Variants in VTA1 observed in about 807,000 individuals in gnomAD.
VTA1 encodes the protein vacuolar protein sorting-associated protein VTA1 homolog.
A neutral mutation model predicts 36.9 loss-of-function variants in VTA1; 24 were observed. The ratio of observed to expected loss-of-function variants is 0.65; its 90% CI spans 0.47 to 0.91. The LOEUF (loss-of-function observed/expected upper bound fraction) is 0.91, where lower values mean the gene tolerates loss of function less well. Ranked by LOEUF, VTA1 falls within the 40% of genes least tolerant of loss-of-function variation. The pLI, the probability that VTA1 is intolerant of heterozygous loss-of-function variation, is 0.00. For missense variants in VTA1, 393 were observed against 377.2 expected (o/e 1.04, Z -0.35); for synonymous variants, 142 against 130.2 (o/e 1.09, Z -0.62).
chr6:142,211,367 T>C (rs1775899138), intron 7 of VTA1, among the ~76,000 whole-genome samples: 2 of 152,040 alleles, frequency 1.3e-5, no homozygotes, highest in South Asian at 4.1e-4. Context: ...CCAGATGACT[T>C]TGGGTTGAGC....
intron 6 of VTA1, among the ~76,000 whole-genome samples, chr6:142,203,766 G>A (rs1775733900): frequency 6.6e-6 from 1 of 152,166 alleles, no homozygotes; most frequent in Non-Finnish European, 1.5e-5. Context: ...GTAATGCGAA[G>A]CATTAGACAA....
intron 6 of VTA1, 75 bp downstream of exon 6, chr6:142,198,690 G>T: frequency 7.4e-7 from 1 of 1,351,100 alleles, no homozygotes; most frequent in South Asian, 1.7e-5. Flanking sequence ...TCACATATGT[G>T]CCTCATAATG....
intron 2 of VTA1, among the ~76,000 whole-genome samples, chr6:142,167,803 A>C (rs1273791737): frequency 6.6e-6 from 1 of 152,218 alleles, no homozygotes; most frequent in Admixed American, 6.5e-5. Context: ...ATACAAGATA[A>C]ATTTGAGTAC....
At chr6:142,150,791 A>T (rs1316700025) in intron 1 of VTA1, among the ~76,000 whole-genome samples, 1 of 152,170 alleles carries the variant, frequency 6.6e-6, no homozygotes, top group Non-Finnish European at 1.5e-5. Context: ...GCATGCCTGT[A>T]ATCCTAGCTA....
chr6:142,205,502 A>G (rs1775772984), intron 7 of VTA1, among the ~76,000 whole-genome samples: 2 of 152,220 alleles, frequency 1.3e-5, no homozygotes, highest in Non-Finnish European at 2.9e-5. Flanking sequence ...TTTGCCTAGC[A>G]CATACCTTTT....
At chr6:142,209,449 G>T (rs1278044425) in intron 7 of VTA1, among the ~76,000 whole-genome samples, 1 of 149,480 alleles carries the variant, frequency 6.7e-6, no homozygotes, top group Non-Finnish European at 1.5e-5. Flanking sequence ...TACAAAAAAT[G>T]TAATACAAAA....
chr6:142,147,884 G>A (rs1184945717), intron 1 of VTA1, among the ~76,000 whole-genome samples: 1 of 152,210 alleles, frequency 6.6e-6, no homozygotes, highest in East Asian at 1.9e-4. Flanking sequence ...GGGAGTATCT[G>A]CTACTAAATA....
chr6:142,172,800 T>G (rs772022214), intron 4 of VTA1, among the ~76,000 whole-genome samples: 52 of 152,110 alleles, frequency 3.4e-4, no homozygotes, highest in Non-Finnish European at 6.8e-4. Flanking sequence ...AGAAGAATAG[T>G]GAGAATTCAG....
At chr6:142,189,198 A>G (rs761346765) in intron 4 of VTA1, among the ~76,000 whole-genome samples, 9 of 152,222 alleles carry the variant, frequency 5.9e-5, no homozygotes, top group Non-Finnish European at 1.2e-4. Flanking sequence ...GTTATATGAT[A>G]AAAGAGAACT....
chr6:142,181,776 G>A (rs965247361), intron 4 of VTA1, among the ~76,000 whole-genome samples: 2 of 151,842 alleles, frequency 1.3e-5, no homozygotes, highest in African/African-American at 4.8e-5. Context: ...AAGTCTTTGT[G>A]TATTAAGTTA....
At chr6:142,198,684 A>C (rs1452260700) in intron 6 of VTA1, 69 bp downstream of exon 6, 7 of 1,399,278 alleles carry the variant, frequency 5.0e-6, no homozygotes, top group African/African-American at 1.4e-5. Context: ...TTCTTATCAC[A>C]TATGTGCCTC....
At chr6:142,167,735 G>T (rs927237643) in intron 2 of VTA1, among the ~76,000 whole-genome samples, 1 of 152,182 alleles carries the variant, frequency 6.6e-6, no homozygotes, top group African/African-American at 2.4e-5. Context: ...GCAGCACTGA[G>T]GAAATTCAGC....
chr6:142,218,493 T>A lies in VTA1; in HGVS notation c.779-5T>A. On this transcript the variant is annotated splice_region_variant and splice_polypyrimidine_tract_variant and intron_variant, in intron 7 of 7. Transcript: ENST00000367630. ...TAAATATCCCAATTGTTCTTTTTCT[T>A]CTAGGGGATGTTCGTCTAACCCCAG... The A allele has an allele frequency of 6.2e-7, 1 of 1,612,456 alleles. No individual in the cohort carries two copies. Among genetic ancestry groups the A allele is most frequent in the Non-Finnish European group, 8.5e-7 (1 of 1,179,436 alleles).
At chr6:142,157,901 T>C (rs1009622094) in intron 1 of VTA1, among the ~76,000 whole-genome samples, 5 of 150,110 alleles carry the variant, frequency 3.3e-5, no homozygotes, top group African/African-American at 1.2e-4. Flanking sequence ...TTTATTATTG[T>C]TTCTACTTGG....
At chr6:142,214,308 C>G (rs1775966387) in intron 7 of VTA1, among the ~76,000 whole-genome samples, 1 of 152,200 alleles carries the variant, frequency 6.6e-6, no homozygotes, top group South Asian at 2.1e-4. Flanking sequence ...TCATCTCCAT[C>G]TGAAACCACC....
In VTA1 at chr6:142,170,385, A is replaced by G. The variant is rs759626340; in HGVS notation, c.375A>G (p.Ile125Met). Residue 125 changes from isoleucine to methionine, a missense_variant, in exon 4 of 8, where the codon ATA becomes ATG. By Grantham distance (10) the Ile-to-Met change is conservative (BLOSUM62 1). Coordinates refer to ENST00000367630, the MANE Select transcript of VTA1 (RefSeq NM_016485.5). ...IKSFYTASLL[I>M]DVITVFGELT... is the part of the protein sequence containing the mutation. ...CCTTCTATACTGCAAGTCTTTTGAT[A>G]GATGTCATAACAGTATTTGGAGAAC... is the stretch of plus-strand genomic sequence containing the variant. 10 of 1,608,592 alleles carry G rather than the reference A, an allele frequency of 6.2e-6. No individual in the cohort carries two copies. The highest frequency in any genetic ancestry group is 8.5e-6 in the Non-Finnish European group (10 of 1,177,798).
chr6:142,173,688 T>TCACA (rs1775067597), intron 4 of VTA1, among the ~76,000 whole-genome samples: 1 of 152,250 alleles, frequency 6.6e-6, no homozygotes, highest in Non-Finnish European at 1.5e-5. Flanking sequence ...TAGGTTCTCT[T>TCACA]CACTTAAGGA....
At chr6:142,198,088 C>G in intron 5 of VTA1, among the ~76,000 whole-genome samples, 1 of 142,202 alleles carries the variant, frequency 7.0e-6, no homozygotes, top group Non-Finnish European at 1.5e-5. Flanking sequence ...CAGAGTGAGA[C>G]TCCGTCTCAA....
intron 4 of VTA1, among the ~76,000 whole-genome samples, chr6:142,180,102 C>T (rs1315015808): frequency 6.6e-6 from 1 of 152,182 alleles, no homozygotes; most frequent in Non-Finnish European, 1.5e-5. Flanking sequence ...AGCAATGATG[C>T]AGCAGTAGCA....
Sources: allele counts gnomAD v4.1 joint callset (sites outside exome capture counted in the v4.1 genomes callset), GRCh38; gene constraint gnomAD v4.1.1; transcripts MANE v1.5; gene names NCBI Gene and HGNC (gene_info 2026-07-23, HGNC 2026-07-21).